The following FBN2 variants were observed in gnomAD, a reference collection of about 807,000 sequenced individuals.
FBN2 encodes fibrillin 2.
In FBN2, 105 loss-of-function variants were observed where a neutral mutation model predicts 355.6. The observed-to-expected ratio is 0.30, with a 90% CI of 0.25 to 0.35. The LOEUF is 0.35. FBN2 is among the 10% of genes least tolerant of loss of function. FBN2 has a pLI of 1.00. For synonymous variants in FBN2, 1,350 were observed against 1,301.2 expected (o/e 1.04, Z -0.81); for missense variants, 3,280 against 3,758.7 (o/e 0.87, Z 3.33).
At chr5:128,536,531 A>G (rs1461003721) in intron 1 of FBN2, 47 bp from the exon 2 acceptor site, 1 of 1,377,398 alleles carries the variant, frequency 7.3e-7, no homozygotes. Context: ...AGAGGGATGC[A>G]GCAACATATA....
intron 27 of FBN2, 27 bp downstream of exon 27, chr5:128,337,970 G>GTT: frequency 6.2e-7 from 1 of 1,613,202 alleles, no homozygotes. Flanking sequence ...TGCTGGGCAG[G>GTT]TTTATGTGCT....
chr5:128,288,447 T>A lies in FBN2; in HGVS notation c.6748A>T (p.Asn2250Tyr). 1 of 1,614,094 alleles carries A rather than the reference T, an allele frequency of 6.2e-7. No homozygotes were observed. The change falls in exon 53 of 65, where the codon AAT (asparagine) becomes TAT (tyrosine). Residue 2250 changes from asparagine to tyrosine, a missense_variant. By Grantham distance (143) the Asn-to-Tyr change is moderately radical. Transcript: ENST00000262464. ...GACAAAGATCACTTGCCTTCACAAT[T>A]CATCATGGGCCCTGGCTCAAAGCCT... is the stretch of plus-strand genomic sequence containing the variant. The part of the protein sequence containing the change: ...NEGFEPGPMM[N>Y]CEDINECAQN...
intron 7 of FBN2, among the ~76,000 whole-genome samples, chr5:128,442,873 G>GA (rs760152431): frequency 7.9e-5 from 12 of 151,936 alleles, no homozygotes; most frequent in Non-Finnish European, 1.5e-4. Flanking sequence ...GAATATGAGG[G>GA]AAAAAAAGAG....
chr5:128,372,161 T>A (rs1751961660), intron 15 of FBN2, among the ~76,000 whole-genome samples: 1 of 152,242 alleles, frequency 6.6e-6, no homozygotes. Flanking sequence ...TGTATCTTGC[T>A]GTCATCTTAT....
At chr5:128,447,632 C>T (rs1754104327) in intron 6 of FBN2, among the ~76,000 whole-genome samples, 1 of 152,188 alleles carries the variant, frequency 6.6e-6, no homozygotes, top group Admixed American at 6.5e-5. Flanking sequence ...CTTGCCCTGC[C>T]TCCATTTGTC....
At chr5:128,475,452 T>C (rs1397718061) in intron 5 of FBN2, among the ~76,000 whole-genome samples, 1 of 152,108 alleles carries the variant, frequency 6.6e-6, no homozygotes, top group African/African-American at 2.4e-5. Flanking sequence ...ATTAGTTGTC[T>C]GGAAGTCAGT....
In FBN2 at chr5:128,310,412, T is replaced by A. The variant is rs1326524578; in HGVS notation, c.5075-304A>T. ...TATATATATATATATATTTTTTTTTTTTTTTTTTTATTGCAATTCGCATTC... is the reference window on the plus strand; with the variant it reads ...TATATATATATATATATTTTTTTTTATTTTTTTTTATTGCAATTCGCATTC... On this transcript the variant is annotated intron_variant, in intron 39 of 64. Transcript: ENST00000262464. Among the ~76,000 whole-genome samples the A allele has an allele frequency of 5.1e-3, 510 of 99,276 alleles. 3 individuals carry two copies. Among genetic ancestry groups the A allele is most frequent in the South Asian group, 7.2e-3 (24 of 3,320 alleles). 65.1% of individuals were successfully genotyped at this position (99,276 alleles called of 152,430 possible).
chr5:128,376,545 G>A lies in FBN2; in HGVS notation c.1972+186C>T, dbSNP rs565794154. Reference sequence around the variant, plus strand: ...ACCATTATTATTTTTGTTAAGATATGACTGTTCCCTAGACCACAATGTGTG... The same window carrying A: ...ACCATTATTATTTTTGTTAAGATATAACTGTTCCCTAGACCACAATGTGTG... On this transcript the variant is annotated intron_variant, in intron 14 of 64. Coordinates refer to ENST00000262464, the MANE Select transcript of FBN2 (RefSeq NM_001999.4). 9.9e-5 allele frequency among the ~76,000 whole-genome samples: 15 copies of A among 152,280 alleles called. No homozygotes were observed. In the South Asian group the frequency reaches 3.1e-3, roughly 32 times the overall value.
chr5:128,357,812 T>C (rs1254070555), intron 19 of FBN2, among the ~76,000 whole-genome samples: 2 of 152,198 alleles, frequency 1.3e-5, no homozygotes, highest in South Asian at 2.1e-4. Flanking sequence ...AATATCACAA[T>C]GCTGCTTTAA....
chr5:128,445,721 G>A (rs940174121), intron 7 of FBN2, among the ~76,000 whole-genome samples: 1 of 152,038 alleles, frequency 6.6e-6, no homozygotes, highest in Non-Finnish European at 1.5e-5. Context: ...GATAAACATT[G>A]TATCAAAACT....
intron 11 of FBN2, among the ~76,000 whole-genome samples, chr5:128,387,922 G>A (rs1752410074): frequency 6.6e-6 from 1 of 152,088 alleles, no homozygotes; most frequent in Admixed American, 6.6e-5. Flanking sequence ...TTGATGATCT[G>A]TCTAATACTG....
intron 47 of FBN2, 140 bp from the exon 48 acceptor site, chr5:128,301,076 A>G: frequency 1.3e-6 from 1 of 786,532 alleles, no homozygotes; most frequent in Non-Finnish European, 2.1e-6. Context: ...ATATTACCAA[A>G]GATACTCTTC....
At chr5:128,277,764 T>C (rs945085111) in intron 58 of FBN2, 116 bp downstream of exon 58, 13 of 1,197,096 alleles carry the variant, frequency 1.1e-5, no homozygotes, top group Non-Finnish European at 1.6e-5. Context: ...AACATTTTAA[T>C]AAAATATATA....
intron 5 of FBN2, among the ~76,000 whole-genome samples, chr5:128,504,182 G>T (rs182275761): frequency 3.9e-5 from 6 of 152,300 alleles, no homozygotes; most frequent in Non-Finnish European, 5.9e-5. Flanking sequence ...CAAATGCCTG[G>T]ATGTCCAGGC....
intron 34 of FBN2, among the ~76,000 whole-genome samples, chr5:128,326,105 A>C (rs1411662905): frequency 6.6e-6 from 1 of 152,184 alleles, no homozygotes; most frequent in Non-Finnish European, 1.5e-5. Context: ...ATGCCTGCAT[A>C]GTTGCTACTG....
intron 5 of FBN2, among the ~76,000 whole-genome samples, chr5:128,482,247 T>C (rs1755213264): frequency 6.6e-6 from 1 of 152,096 alleles, no homozygotes; most frequent in Non-Finnish European, 1.5e-5. Context: ...TTTGTCTGAG[T>C]CTTGGTGGGA....
At chr5:128,519,956 A>G (rs1161482007) in intron 4 of FBN2, among the ~76,000 whole-genome samples, 1 of 152,230 alleles carries the variant, frequency 6.6e-6, no homozygotes, top group Non-Finnish European at 1.5e-5. Flanking sequence ...AACGTTAGCT[A>G]TAAAATGCCA....
At chr5:128,349,666 C>T (rs1277518364) in intron 22 of FBN2, among the ~76,000 whole-genome samples, 194 bp from the exon 23 acceptor site, 2 of 152,222 alleles carry the variant, frequency 1.3e-5, no homozygotes, top group Non-Finnish European at 2.9e-5. Flanking sequence ...CACAGCCTTG[C>T]CTGTCCATAA....
chr5:128,295,504 T>C (rs931871325), intron 48 of FBN2, among the ~76,000 whole-genome samples: 6 of 148,402 alleles, frequency 4.0e-5, no homozygotes, highest in Admixed American at 6.7e-5. Context: ...TATCCTCTTT[T>C]ATTTCCTTGA....
Sources: allele counts gnomAD v4.1 joint callset (sites outside exome capture counted in the v4.1 genomes callset), GRCh38; gene constraint gnomAD v4.1.1; transcripts MANE v1.5; gene names NCBI Gene and HGNC (gene_info 2026-07-23, HGNC 2026-07-21).